Variants in DHX8 observed in about 807,000 individuals in gnomAD.
The protein encoded by DHX8 is ATP-dependent RNA helicase DHX8.
DHX8 carries 67 observed loss-of-function variants against 140.7 expected under a neutral mutation model. That is an observed-to-expected ratio of 0.48 (90% confidence interval 0.39 to 0.58). The LOEUF is 0.58. DHX8 is among the 20% of genes least tolerant of loss of function. DHX8 has a pLI of 0.00. For missense variants in DHX8, 887 were observed against 1,550.7 expected, an observed-to-expected ratio of 0.57 and a Z score of 7.19; for synonymous variants, 533 against 553.2, an observed-to-expected ratio of 0.96 and a Z score of 0.51.
At chr17:43,535,981 CATGCCTGT>C (rs1250633127) in intron 2 of DHX8, among the ~76,000 whole-genome samples, 1 of 152,198 alleles carries the variant, frequency 6.6e-6, no homozygotes, top group Non-Finnish European at 1.5e-5. Context: ...TGTGGTTGTG[CATGCCTGT>C]AATCCCAGCT....
At chr17:43,520,634 C>T (rs1970328817) in intron 19 of DHX8, 117 bp from the exon 20 acceptor site, 1 of 1,198,480 alleles carries the variant, frequency 8.3e-7, no homozygotes, top group African/African-American at 1.5e-5. Flanking sequence ...CATCCCAAGG[C>T]ATCATTATGC....
downstream of DHX8, chr17:43,526,071 C>T (rs1970605017): frequency 1.0e-6 from 1 of 985,252 alleles, no homozygotes; most frequent in Non-Finnish European, 1.2e-6. Flanking sequence ...TAGCTGGGTT[C>T]TGACCTTTTG....
chr17:43,523,611 T>C lies in DHX8; in HGVS notation c.3444-17T>C, dbSNP rs900664379. On this transcript the variant is annotated splice_polypyrimidine_tract_variant and intron_variant, in intron 22 of 22. Transcript: ENST00000262415. ...CCTATATCCAGAGGCTTGAGTACTA[T>C]CTCTGTCCCCCCTCAGGGTGGTGTA... The C allele has an allele frequency of 9.3e-6, 15 of 1,613,804 alleles. No individual in the cohort carries two copies. Among genetic ancestry groups the C allele is most frequent in the Non-Finnish European group, 1.3e-5 (15 of 1,179,842 alleles).
intron 18 of DHX8, chr17:43,519,075 G>C (rs562767357): frequency 6.6e-6 from 1 of 152,188 alleles, no homozygotes; most frequent in Non-Finnish European, 1.5e-5. Flanking sequence ...TTAGTGTGCA[G>C]GTATCTGTTT....
At chr17:43,494,837 A>G (rs1968761465) in intron 8 of DHX8, among the ~76,000 whole-genome samples, 1 of 137,560 alleles carries the variant, frequency 7.3e-6, no homozygotes, top group Non-Finnish European at 1.5e-5. Flanking sequence ...ATTGAGACGG[A>G]GTCTCGCTCT....
At chr17:43,538,140 CAA>C (rs34924870) in intron 3 of DHX8, among the ~76,000 whole-genome samples, 2,173 of 110,708 alleles carry the variant, frequency 0.02, 49 homozygotes, top group African/African-American at 0.065. Flanking sequence ...GACTCCATTT[CAA>C]AAAAAAAAAA....
At chr17:43,536,593 A>T (rs1339712235) in intron 3 of DHX8, 1 of 815,464 alleles carries the variant, frequency 1.2e-6, no homozygotes, top group African/African-American at 1.7e-5. Flanking sequence ...AACAGCCTTT[A>T]GATCAGGGGT....
chr17:43,514,490 A>G (rs149870465), intron 17 of DHX8, among the ~76,000 whole-genome samples: 81 of 152,310 alleles, frequency 5.3e-4, no homozygotes, highest in African/African-American at 1.8e-3. Flanking sequence ...TATCTGAGAT[A>G]ATAATAAATT....
intron 4 of DHX8, among the ~76,000 whole-genome samples, chr17:43,491,575 A>G (rs1161314640): frequency 6.6e-6 from 1 of 151,836 alleles, no homozygotes; most frequent in Non-Finnish European, 1.5e-5. Flanking sequence ...TTTTTAAAGC[A>G]TTTTGATTTT....
chr17:43,493,394 G>A (rs771713143), intron 6 of DHX8, 51 bp from the exon 7 acceptor site: 6 of 1,596,094 alleles, frequency 3.8e-6, no homozygotes, highest in African/African-American at 1.3e-5. Context: ...GAAATTGGTT[G>A]GGGGAAAAAT....
intron 3 of DHX8, among the ~76,000 whole-genome samples, chr17:43,542,822 T>C (rs539916010): frequency 2.0e-5 from 3 of 152,070 alleles, no homozygotes; most frequent in Non-Finnish European, 4.4e-5. Flanking sequence ...TCTCTTCAAA[T>C]TGGGGCTTTG....
intron 2 of DHX8, among the ~76,000 whole-genome samples, chr17:43,535,801 A>G (rs1282138574): frequency 6.6e-6 from 1 of 152,180 alleles, no homozygotes; most frequent in Non-Finnish European, 1.5e-5. Flanking sequence ...TCCCCAGTTT[A>G]TGGAAGTGAC....
At chr17:43,514,944 A>G (rs776441079) in intron 17 of DHX8, among the ~76,000 whole-genome samples, 1 of 152,180 alleles carries the variant, frequency 6.6e-6, no homozygotes, top group African/African-American at 2.4e-5. Context: ...TTTTGTTTAA[A>G]AATAGATGGT....
At chr17:43,542,972 T>G (rs1435971798) in intron 3 of DHX8, among the ~76,000 whole-genome samples, 1 of 152,144 alleles carries the variant, frequency 6.6e-6, no homozygotes, top group Non-Finnish European at 1.5e-5. Flanking sequence ...GTCACTGACC[T>G]GGTGGGAAGA....
intron 11 of DHX8, among the ~76,000 whole-genome samples, chr17:43,503,314 A>G (rs541889592): frequency 1.1e-4 from 16 of 152,220 alleles, no homozygotes; most frequent in African/African-American, 3.6e-4. Context: ...CCTAGCCAAC[A>G]TAGTGAAACC....
chr17:43,525,876 G>A (rs1334993757), downstream of DHX8: 2 of 985,194 alleles, frequency 2.0e-6, no homozygotes, highest in African/African-American at 3.5e-5. Flanking sequence ...TTGACACCTG[G>A]GGAGGGAGGG....
chr17:43,525,203 G>C lies in DHX8; in HGVS notation c.*1356G>C, dbSNP rs893005785. The C allele has an allele frequency of 3.0e-6, 3 of 985,322 alleles. No individual in the cohort carries two copies. The highest frequency in any genetic ancestry group is 3.5e-5 in the African/African-American group (2 of 57,224). The allele number at this position is 985,322 out of a possible 1,614,324, so 61.0% of individuals were successfully genotyped here. A position where few individuals can be genotyped will look rare whatever the true frequency, so the allele number is the denominator to read the frequency against. On this transcript the variant is annotated 3_prime_UTR_variant, in exon 23 of 23. Transcript: ENST00000262415. ...AGTGCTTGTAGAGAAGCTTCTGAGA[G>C]ATTGGGCACATCCTGTTACGTTGCT...
At chr17:43,499,443 G>A (rs139506397) in intron 10 of DHX8, among the ~76,000 whole-genome samples, 1 of 152,298 alleles carries the variant, frequency 6.6e-6, no homozygotes, top group African/African-American at 2.4e-5. Flanking sequence ...CATATGAAAT[G>A]CTTATAATCC....
intron 16 of DHX8, among the ~76,000 whole-genome samples, chr17:43,508,893 A>G (rs1026566264): frequency 2.2e-4 from 34 of 152,068 alleles, no homozygotes; most frequent in Non-Finnish European, 3.8e-4. Context: ...TGCTGGGATT[A>G]TAGGTGTGAG....
Sources: gnomAD v4.1 joint callset for allele counts (sites outside exome capture counted in the v4.1 genomes callset) on GRCh38, gnomAD v4.1.1 for gene constraint, MANE v1.5 for transcripts, NCBI Gene and HGNC (gene_info 2026-07-23, HGNC 2026-07-21) for gene names.